Variants in GRB14 observed in about 807,000 individuals in gnomAD.
The protein encoded by GRB14 is growth factor receptor bound protein 14, also known as growth factor receptor-bound protein 14.
GRB14 carries 38 observed loss-of-function variants against 69.1 expected under a neutral mutation model. The ratio of observed to expected loss-of-function variants is 0.55; its 90% CI spans 0.42 to 0.72. The LOEUF (loss-of-function observed/expected upper bound fraction) is 0.72. Among genes scored for constraint, GRB14 ranks in the 30% least tolerant of loss-of-function variants. GRB14 has a pLI of 0.00. For synonymous variants in GRB14, 247 were observed against 241.3 expected, an observed-to-expected ratio of 1.02 and a Z score of -0.22; for missense variants, 666 against 666.1, an observed-to-expected ratio of 1.00 and a Z score of 0.00.
At chr2:164,582,427 T>TATTTA (rs202216541) in intron 2 of GRB14, among the ~76,000 whole-genome samples, 2 of 143,138 alleles carry the variant, frequency 1.4e-5, no homozygotes, top group Admixed American at 6.8e-5. Flanking sequence ...ATTTATTATT[T>TATTTA]TTTTTTTTTT....
At chr2:164,508,958 G>T in intron 6 of GRB14, 106 bp from the exon 7 acceptor site, 1 of 565,336 alleles carries the variant, frequency 1.8e-6, no homozygotes, top group Non-Finnish European at 2.8e-6. Context: ...ACCAACAGAA[G>T]TTCAATATGA....
At chr2:164,550,300 G>A (rs944752431) in intron 2 of GRB14, among the ~76,000 whole-genome samples, 1 of 152,186 alleles carries the variant, frequency 6.6e-6, no homozygotes, top group African/African-American at 2.4e-5. Context: ...AAGACAGAAT[G>A]AGCCTTTGTT....
chr2:164,602,635 T>C (rs906131499), intron 2 of GRB14, among the ~76,000 whole-genome samples: 2 of 152,204 alleles, frequency 1.3e-5, no homozygotes, highest in African/African-American at 4.8e-5. Context: ...AATCCTACTC[T>C]AGGTGAGAGT....
chr2:164,562,130 T>C (rs1487435821), intron 2 of GRB14, among the ~76,000 whole-genome samples: 1 of 152,216 alleles, frequency 6.6e-6, no homozygotes, highest in African/African-American at 2.4e-5. Context: ...GGTTCAATGA[T>C]GATCAAAAGT....
intron 5 of GRB14, among the ~76,000 whole-genome samples, chr2:164,522,896 A>G (rs1207969209): frequency 6.6e-6 from 1 of 152,030 alleles, no homozygotes; most frequent in Non-Finnish European, 1.5e-5. Context: ...CCCTTTGCCA[A>G]TTCTAGGTGT....
chr2:164,500,577 A>C (rs751592063), intron 9 of GRB14, among the ~76,000 whole-genome samples: 6 of 152,116 alleles, frequency 3.9e-5, no homozygotes, highest in Non-Finnish European at 5.9e-5. Flanking sequence ...GAGACACCAA[A>C]GTCAACACAA....
intron 2 of GRB14, among the ~76,000 whole-genome samples, chr2:164,568,078 G>A (rs191750856): frequency 1.0e-3 from 158 of 152,200 alleles, no homozygotes; most frequent in African/African-American, 3.7e-3. Context: ...ACCTGAAATC[G>A]AGATCAAACT....
intron 2 of GRB14, among the ~76,000 whole-genome samples, chr2:164,549,913 TAAAATAAAATA>T (rs1160562204): frequency 1.3e-5 from 2 of 149,632 alleles, no homozygotes; most frequent in South Asian, 2.1e-4. Context: ...TAAAATAAAA[TAAAATAAAATA>T]AAATAAAATA....
chr2:164,594,444 A>G (rs1057473596), intron 2 of GRB14, among the ~76,000 whole-genome samples: 4 of 152,244 alleles, frequency 2.6e-5, no homozygotes. Flanking sequence ...ATGAAGAAAC[A>G]TGTAAAGTGT....
intron 2 of GRB14, among the ~76,000 whole-genome samples, chr2:164,596,083 C>A (rs1689776344): frequency 6.6e-6 from 1 of 152,074 alleles, no homozygotes; most frequent in Non-Finnish European, 1.5e-5. Flanking sequence ...GAGATTGCAC[C>A]GCTGCACTCC....
chr2:164,619,844 A>G (rs1690403502), intron 1 of GRB14, 25 bp from the exon 2 acceptor site: 1 of 1,581,080 alleles, frequency 6.3e-7, no homozygotes, highest in Non-Finnish European at 8.6e-7. Context: ...CATAGGATGT[A>G]ATTTACATAA....
chr2:164,507,238 C>A (rs186276674), intron 8 of GRB14, among the ~76,000 whole-genome samples: 2 of 151,982 alleles, frequency 1.3e-5, no homozygotes, highest in South Asian at 2.1e-4. Flanking sequence ...CAACAGAGAG[C>A]AGAAGAGGTA....
At chr2:164,617,873 A>G (rs1690337054) in intron 2 of GRB14, among the ~76,000 whole-genome samples, 2 of 145,412 alleles carry the variant, frequency 1.4e-5, no homozygotes, top group Non-Finnish European at 3.0e-5. Context: ...GGAACTACCT[A>G]TTAAATTCTT....
At chr2:164,524,892 T>C (rs1392039434) in intron 5 of GRB14, 112 bp downstream of exon 5, 1 of 603,172 alleles carries the variant, frequency 1.7e-6, no homozygotes, top group Non-Finnish European at 2.8e-6. Context: ...CAAAAAATAT[T>C]AATAATAATT....
intron 6 of GRB14, among the ~76,000 whole-genome samples, chr2:164,515,635 G>T (rs1237071312): frequency 6.6e-6 from 1 of 151,994 alleles, no homozygotes; most frequent in East Asian, 1.9e-4. Flanking sequence ...AACAATACTG[G>T]TAATATGACA....
At chr2:164,523,473 T>C (rs1220863662) in intron 5 of GRB14, among the ~76,000 whole-genome samples, 11 of 150,940 alleles carry the variant, frequency 7.3e-5, no homozygotes, top group Admixed American at 7.3e-4. Context: ...AAATTTGAAA[T>C]AAGGGAATTT....
At chr2:164,545,560 TCC>T (rs1474772240) in intron 3 of GRB14, among the ~76,000 whole-genome samples, 1 of 152,088 alleles carries the variant, frequency 6.6e-6, no homozygotes, top group African/African-American at 2.4e-5. Flanking sequence ...AGGACACACA[TCC>T]CTGACGACAC....
intron 8 of GRB14, among the ~76,000 whole-genome samples, chr2:164,503,935 CG>C (rs1300808514): frequency 6.6e-6 from 1 of 151,896 alleles, no homozygotes; most frequent in Admixed American, 6.6e-5. Context: ...AGAGGTAGGG[CG>C]GGGGTCACCT....
intron 8 of GRB14, among the ~76,000 whole-genome samples, chr2:164,506,334 T>C (rs1687186836): frequency 6.6e-6 from 1 of 152,182 alleles, no homozygotes. Context: ...AGCAAAAGAA[T>C]GTAAATTTCA....
Sources: allele counts gnomAD v4.1 joint callset (sites outside exome capture counted in the v4.1 genomes callset), GRCh38; gene constraint gnomAD v4.1.1; transcripts MANE v1.5; gene names NCBI Gene and HGNC (gene_info 2026-07-23, HGNC 2026-07-21).